The following RALYL variants were observed in gnomAD, a reference collection of about 807,000 sequenced individuals.
The protein encoded by RALYL is RNA-binding Raly-like protein.
Under a neutral mutation model 35.1 loss-of-function variants are expected in RALYL, and 29 were observed. The observed-to-expected ratio is 0.83, with a 90% CI of 0.61 to 1.13. The LOEUF (loss-of-function observed/expected upper bound fraction) is 1.13. Ranked by LOEUF, RALYL falls within the 50% of genes most tolerant of loss-of-function variation. The probability of loss-of-function intolerance (pLI) is 0.00; values close to 1 mark genes in which losing one functional copy is unlikely to be tolerated. For missense variants in RALYL, 359 were observed against 360.4 expected, an observed-to-expected ratio of 1.00 and a Z score of 0.03; for synonymous variants, 120 against 127.6, an observed-to-expected ratio of 0.94 and a Z score of 0.40.
At chr8:84,834,862 T>A (rs938257804) in intron 4 of RALYL, among the ~76,000 whole-genome samples, 5 of 152,166 alleles carry the variant, frequency 3.3e-5, no homozygotes, top group Non-Finnish European at 5.9e-5. Context: ...ACATTCGATT[T>A]AAAAAAATAT....
chr8:84,478,669 G>A (rs1399322514), intron 1 of RALYL, among the ~76,000 whole-genome samples: 1 of 151,956 alleles, frequency 6.6e-6, no homozygotes, highest in Non-Finnish European at 1.5e-5. Flanking sequence ...TCCACATAGG[G>A]TAACCACACA....
chr8:84,603,982 T>A (rs1394910546), intron 2 of RALYL, among the ~76,000 whole-genome samples: 2 of 152,126 alleles, frequency 1.3e-5, no homozygotes, highest in Non-Finnish European at 2.9e-5. Context: ...TTCACTTTCC[T>A]ACTATTTATA....
intron 1 of RALYL, among the ~76,000 whole-genome samples, chr8:84,322,393 G>A (rs561284358): frequency 8.6e-4 from 131 of 152,180 alleles, no homozygotes; most frequent in Non-Finnish European, 1.7e-3. Context: ...AACAGTAAAA[G>A]TAAATAATAG....
At chr8:84,701,982 G>A (rs1370226301) in intron 2 of RALYL, among the ~76,000 whole-genome samples, 1 of 152,092 alleles carries the variant, frequency 6.6e-6, no homozygotes, top group African/African-American at 2.4e-5. Flanking sequence ...CTCGCCCTCT[G>A]TGACACTTTA....
intron 1 of RALYL, among the ~76,000 whole-genome samples, chr8:84,519,587 C>T (rs1050682554): frequency 6.6e-6 from 1 of 152,122 alleles, no homozygotes; most frequent in African/African-American, 2.4e-5. Context: ...TCACTTAGAC[C>T]AATGGCAGAT....
intron 1 of RALYL, among the ~76,000 whole-genome samples, chr8:84,506,997 C>G (rs2057224596): frequency 6.6e-6 from 1 of 152,038 alleles, no homozygotes; most frequent in South Asian, 2.1e-4. Flanking sequence ...CTAGCTGGCA[C>G]TTACCTAGAA....
intron 1 of RALYL, among the ~76,000 whole-genome samples, chr8:84,524,077 T>C (rs1235743799): frequency 6.6e-6 from 1 of 152,084 alleles, no homozygotes; most frequent in Non-Finnish European, 1.5e-5. Flanking sequence ...TCTAGATCCC[T>C]GAGGAATCGC....
chr8:84,627,545 GAAGA>G (rs922784175), intron 2 of RALYL, among the ~76,000 whole-genome samples: 54 of 150,306 alleles, frequency 3.6e-4, no homozygotes, highest in African/African-American at 1.2e-3. Flanking sequence ...TCTTCCTGCA[GAAGA>G]AAGAAACACT....
At chr8:84,561,703 C>T (rs1448074470) in intron 2 of RALYL, among the ~76,000 whole-genome samples, 1 of 151,826 alleles carries the variant, frequency 6.6e-6, no homozygotes, top group African/African-American at 2.4e-5. Flanking sequence ...TCAATCTTAT[C>T]AGATCTGAGA....
intron 1 of RALYL, among the ~76,000 whole-genome samples, chr8:84,242,749 G>A (rs1291089976): frequency 6.6e-6 from 1 of 151,934 alleles, no homozygotes; most frequent in Non-Finnish European, 1.5e-5. Flanking sequence ...TTTTTCAGAT[G>A]GATTTGATAG....
chr8:84,671,310 T>G (rs1833180406), intron 2 of RALYL, among the ~76,000 whole-genome samples: 1 of 152,162 alleles, frequency 6.6e-6, no homozygotes, highest in South Asian at 2.1e-4. Context: ...CTGTGTCTTT[T>G]CCAGGTACAC....
rs763086565 is a variant in RALYL at position 84,794,915 on chromosome 8, C to CAA, written c.333-9852_333-9851dup. On this transcript the variant is annotated intron_variant, in intron 3 of 8. Transcript: ENST00000521268. ...CCTGCAGCCTTAATTTCCAATGTGG[C>CAA]AAAAGTCATGAGTCTGAGTGTCAGA... is the stretch of plus-strand genomic sequence containing the variant. 3.3e-5 allele frequency among the ~76,000 whole-genome samples: 5 copies of CAA among 152,142 alleles called. No homozygotes were observed. In the East Asian group the frequency reaches 5.8e-4, roughly 18 times the overall value.
At chr8:84,811,059 T>A (rs1422934637) in intron 4 of RALYL, among the ~76,000 whole-genome samples, 2 of 151,856 alleles carry the variant, frequency 1.3e-5, no homozygotes, top group African/African-American at 4.9e-5. Context: ...TACCTTGGTT[T>A]TGTTTTTTGT....
chr8:84,449,083 T>TTTG, intron 1 of RALYL, among the ~76,000 whole-genome samples: 1 of 151,382 alleles, frequency 6.6e-6, no homozygotes, highest in African/African-American at 2.4e-5. Context: ...TTTTTGTTTT[T>TTTG]TTTTTTTTTT....
chr8:84,602,503 C>T (rs1816195625), intron 2 of RALYL, among the ~76,000 whole-genome samples: 1 of 152,050 alleles, frequency 6.6e-6, no homozygotes, highest in Admixed American at 6.6e-5. Context: ...AGTCAATTCC[C>T]CTACATTCTT....
At chr8:84,832,677 CTT>C (rs1831164515) in intron 4 of RALYL, among the ~76,000 whole-genome samples, 1 of 152,038 alleles carries the variant, frequency 6.6e-6, no homozygotes, top group Non-Finnish European at 1.5e-5. Flanking sequence ...AACAATGTAA[CTT>C]AATTTTAATG....
At chr8:84,200,166 C>A (rs1458626017) in intron 1 of RALYL, among the ~76,000 whole-genome samples, 1 of 152,088 alleles carries the variant, frequency 6.6e-6, no homozygotes, top group Non-Finnish European at 1.5e-5. Flanking sequence ...GCATGAGATT[C>A]TAATGGTTAT....
intron 2 of RALYL, among the ~76,000 whole-genome samples, chr8:84,535,829 C>A (rs968968441): frequency 3.3e-5 from 5 of 151,766 alleles, no homozygotes; most frequent in African/African-American, 4.8e-5. Context: ...ATAGTGACAG[C>A]CAAAAATTGT....
intron 8 of RALYL, among the ~76,000 whole-genome samples, chr8:84,895,837 T>C (rs2135508672): frequency 6.6e-6 from 1 of 152,268 alleles, no homozygotes; most frequent in East Asian, 1.9e-4. Flanking sequence ...ATTGTCCTAC[T>C]TAACTTCATG....
Sources: allele counts gnomAD v4.1 joint callset (sites outside exome capture counted in the v4.1 genomes callset), GRCh38; gene constraint gnomAD v4.1.1; transcripts MANE v1.5; gene names NCBI Gene and HGNC (gene_info 2026-07-23, HGNC 2026-07-21).